Variants in LMX1A observed in about 807,000 individuals in gnomAD.
LMX1A encodes LIM homeobox transcription factor 1 alpha, also known as LIM homeobox transcription factor 1-alpha.
In LMX1A, 15 loss-of-function variants were observed where a neutral mutation model predicts 49.1. The observed-to-expected ratio is 0.31, with a 90% confidence interval of 0.20 to 0.47. The LOEUF (loss-of-function observed/expected upper bound fraction) is 0.47. Among genes scored for constraint, LMX1A ranks in the 20% least tolerant of loss-of-function variants. LMX1A has a pLI of 1.00. For synonymous variants in LMX1A, 167 were observed against 185.7 expected (o/e 0.90, Z 0.82); for missense variants, 372 against 475.8 (o/e 0.78, Z 2.03).
intron 4 of LMX1A, among the ~76,000 whole-genome samples, chr1:165,230,380 G>A (rs1335458920): frequency 6.6e-6 from 1 of 151,646 alleles, no homozygotes; most frequent in Admixed American, 6.6e-5. Context: ...AGCTCTAGGA[G>A]CTGTCACTTA....
intron 3 of LMX1A, among the ~76,000 whole-genome samples, chr1:165,326,474 G>C (rs1406153110): frequency 1.3e-5 from 2 of 152,182 alleles, no homozygotes; most frequent in African/African-American, 4.8e-5. Flanking sequence ...TTTTAGAACT[G>C]GTCAATGGTA....
intron 3 of LMX1A, among the ~76,000 whole-genome samples, chr1:165,271,025 A>G (rs1047723225): frequency 5.3e-5 from 8 of 152,116 alleles, no homozygotes; most frequent in Non-Finnish European, 1.5e-5. Context: ...TGCAAAGAGA[A>G]CCCTGATTTT....
intron 3 of LMX1A, among the ~76,000 whole-genome samples, chr1:165,334,641 C>T (rs1655847133): frequency 9.7e-6 from 1 of 103,306 alleles, no homozygotes; most frequent in African/African-American, 2.8e-5. Context: ...AATACTGTGC[C>T]GTTTTGCTTA....
At chr1:165,330,756 C>A (rs1178232422) in intron 3 of LMX1A, among the ~76,000 whole-genome samples, 1 of 152,138 alleles carries the variant, frequency 6.6e-6, no homozygotes, top group Non-Finnish European at 1.5e-5. Flanking sequence ...CTAGAACAAC[C>A]AGGGCACCGA....
chr1:165,208,767 C>A (rs1456506166), intron 6 of LMX1A, among the ~76,000 whole-genome samples: 2 of 152,184 alleles, frequency 1.3e-5, no homozygotes, highest in African/African-American at 4.8e-5. Flanking sequence ...CTGCCTCAGC[C>A]TCCCGAGTAG....
chr1:165,268,388 G>C (rs890761440), intron 3 of LMX1A, among the ~76,000 whole-genome samples: 6 of 152,332 alleles, frequency 3.9e-5, no homozygotes, highest in African/African-American at 7.2e-5. Flanking sequence ...GATCATGAAT[G>C]GTGAAGCAGA....
chr1:165,265,643 C>A (rs1402309957), intron 3 of LMX1A, among the ~76,000 whole-genome samples: 1 of 152,202 alleles, frequency 6.6e-6, no homozygotes, highest in African/African-American at 2.4e-5. Flanking sequence ...ATGAGAGCTA[C>A]CCTGGAAGAG....
intron 4 of LMX1A, among the ~76,000 whole-genome samples, chr1:165,230,382 T>C (rs1435244321): frequency 6.6e-6 from 1 of 151,516 alleles, no homozygotes; most frequent in Non-Finnish European, 1.5e-5. Context: ...CTCTAGGAGC[T>C]GTCACTTAGG....
At chr1:165,318,186 C>T (rs1655277527) in intron 3 of LMX1A, among the ~76,000 whole-genome samples, 1 of 152,144 alleles carries the variant, frequency 6.6e-6, no homozygotes, top group Non-Finnish European at 1.5e-5. Flanking sequence ...TGGTTCTGTT[C>T]AGGCAAAAGT....
chr1:165,250,240 A>C (rs1358398357), intron 3 of LMX1A, among the ~76,000 whole-genome samples: 2 of 152,112 alleles, frequency 1.3e-5, no homozygotes, highest in Non-Finnish European at 2.9e-5. Context: ...CTTAAAATAA[A>C]ATTAAAAATT....
Position 165,278,164 on chromosome 1 carries a change from C to T in LMX1A, c.264-28524G>A, listed in dbSNP as rs1023584918. On this transcript the variant is annotated intron_variant, in intron 3 of 8. Transcript: ENST00000342310. ...GGCAGAGCCAGAATTCAAACTCAGG[C>T]CACTTGACTCCAGAGCTCCTGCTCA... 2.6e-5 allele frequency among the ~76,000 whole-genome samples: 4 copies of T among 152,198 alleles called. No homozygotes were observed. The East Asian group carries it at 7.7e-4, about 29-fold the overall frequency.
intron 4 of LMX1A, among the ~76,000 whole-genome samples, chr1:165,233,836 A>T (rs1336602590): frequency 6.6e-6 from 1 of 152,214 alleles, no homozygotes; most frequent in African/African-American, 2.4e-5. Context: ...ATGATGCCTG[A>T]CATATTAGTA....
chr1:165,352,603 G>A (rs1433858224), intron 3 of LMX1A, among the ~76,000 whole-genome samples: 1 of 152,228 alleles, frequency 6.6e-6, no homozygotes, highest in Admixed American at 6.5e-5. Context: ...AGAAGCTGCG[G>A]GGTCAATACA....
chr1:165,257,879 G>C (rs1051619488), intron 3 of LMX1A, among the ~76,000 whole-genome samples: 4 of 152,188 alleles, frequency 2.6e-5, no homozygotes, highest in Admixed American at 2.6e-4. Context: ...GAAAAACCCT[G>C]ATGCCAGTTT....
intron 3 of LMX1A, among the ~76,000 whole-genome samples, chr1:165,301,926 A>C (rs139183932): frequency 6.6e-6 from 1 of 152,162 alleles, no homozygotes; most frequent in African/African-American, 2.4e-5. Flanking sequence ...GGTGGGGGGA[A>C]TATCAACTCA....
chr1:165,345,667 C>A (rs1054461451), intron 3 of LMX1A, among the ~76,000 whole-genome samples: 1 of 152,194 alleles, frequency 6.6e-6, no homozygotes, highest in Non-Finnish European at 1.5e-5. Context: ...GAGAGTTACG[C>A]TACTCACCGT....
chr1:165,261,168 G>T (rs1049444074), intron 3 of LMX1A, among the ~76,000 whole-genome samples: 1 of 152,192 alleles, frequency 6.6e-6, no homozygotes, highest in Non-Finnish European at 1.5e-5. Flanking sequence ...TTAGACTTCA[G>T]ATGTCTCGAG....
intron 3 of LMX1A, among the ~76,000 whole-genome samples, chr1:165,265,365 A>T (rs1167958572): frequency 6.6e-6 from 1 of 152,200 alleles, no homozygotes; most frequent in African/African-American, 2.4e-5. Context: ...TGGTTCCAAG[A>T]GAAACACCTG....
At chr1:165,323,864 G>C (rs1292698855) in intron 3 of LMX1A, among the ~76,000 whole-genome samples, 1 of 152,172 alleles carries the variant, frequency 6.6e-6, no homozygotes, top group Non-Finnish European at 1.5e-5. Flanking sequence ...CAAAGACTTT[G>C]ACTTGTTTCT....
Sources: allele counts gnomAD v4.1 joint callset (sites outside exome capture counted in the v4.1 genomes callset), GRCh38; gene constraint gnomAD v4.1.1; transcripts MANE v1.5; gene names NCBI Gene and HGNC (gene_info 2026-07-23, HGNC 2026-07-21).